Variants in FAM110B observed in about 807,000 individuals in gnomAD.
FAM110B encodes the protein protein FAM110B.
In FAM110B, 6 loss-of-function variants were observed where a neutral mutation model predicts 20.4. The ratio of observed to expected loss-of-function variants is 0.29; its 90% CI spans 0.16 to 0.58. FAM110B has a LOEUF of 0.58. FAM110B is among the 20% of genes least tolerant of loss of function. The probability of loss-of-function intolerance (pLI) is 0.90; values close to 1 mark genes in which losing one functional copy is unlikely to be tolerated. For synonymous variants in FAM110B, 226 were observed against 214.1 expected (o/e 1.06, Z -0.49); for missense variants, 434 against 498.2 (o/e 0.87, Z 1.23).
At chr8:58,068,603 A>T (rs986654698) in intron 2 of FAM110B, among the ~76,000 whole-genome samples, 38 of 152,152 alleles carry the variant, frequency 2.5e-4, no homozygotes, top group Admixed American at 2.4e-3. Flanking sequence ...AAAAATAAAA[A>T]AAAAAAAAAC....
intron 2 of FAM110B, among the ~76,000 whole-genome samples, chr8:58,060,288 G>T (rs1051837221): frequency 5.9e-5 from 9 of 152,144 alleles, no homozygotes; most frequent in African/African-American, 1.9e-4. Flanking sequence ...AATTTTGTAG[G>T]TGGAATGTGT....
At chr8:58,078,448 G>GT (rs1806092093) in intron 3 of FAM110B, among the ~76,000 whole-genome samples, 1 of 149,304 alleles carries the variant, frequency 6.7e-6, no homozygotes, top group African/African-American at 2.5e-5. Flanking sequence ...GACTTCCTTT[G>GT]TTTTTTGTTT....
At chr8:58,057,376 A>G (rs1805568743) in intron 2 of FAM110B, among the ~76,000 whole-genome samples, 1 of 152,218 alleles carries the variant, frequency 6.6e-6, no homozygotes, top group Non-Finnish European at 1.5e-5. Flanking sequence ...GGGCACATTT[A>G]GGCAGCTGAG....
At chr8:58,028,147 A>G (rs1234553202) in intron 1 of FAM110B, among the ~76,000 whole-genome samples, 1 of 152,232 alleles carries the variant, frequency 6.6e-6, no homozygotes, top group Non-Finnish European at 1.5e-5. Flanking sequence ...CTTGTTGCCC[A>G]GGCTGGAGTG....
intron 1 of FAM110B, among the ~76,000 whole-genome samples, chr8:57,997,770 G>C (rs1049486201): frequency 1.3e-5 from 2 of 152,118 alleles, no homozygotes; most frequent in Non-Finnish European, 2.9e-5. Flanking sequence ...CTCAGAAAAA[G>C]GATTTTCTGG....
At chr8:58,035,362 C>T (rs1431163108) in intron 2 of FAM110B, among the ~76,000 whole-genome samples, 1 of 152,220 alleles carries the variant, frequency 6.6e-6, no homozygotes, top group Admixed American at 6.5e-5. Flanking sequence ...CAAACTTTGG[C>T]ATTCATTTTC....
chr8:58,084,475 C>T lies in FAM110B; in HGVS notation c.-325+8852C>T, dbSNP rs549732511. ...TGTGATCTTGGCTCACTGCAGCCTC[C>T]GCCTCCCTGGTTCAAGCAATTCTCC... On this transcript the variant is annotated intron_variant, in intron 3 of 3. Coordinates refer to ENST00000519262, the MANE Select transcript of FAM110B (RefSeq NM_001377989.1). Among the ~76,000 whole-genome samples, 121 of 151,798 alleles carry T rather than the reference C, an allele frequency of 8.0e-4. 1 individual carries two copies. In the South Asian group the frequency reaches 0.013, roughly 16 times the overall value.
chr8:58,073,608 G>A lies in FAM110B; in HGVS notation c.-413-1927G>A, dbSNP rs147920730. 7.3e-3 allele frequency among the ~76,000 whole-genome samples: 1,116 copies of A among 152,160 alleles called. 15 individuals carry two copies. The highest frequency in any genetic ancestry group is 0.025 in the African/African-American group (1,018 of 41,510). On this transcript the variant is annotated intron_variant, in intron 2 of 3. Coordinates refer to ENST00000519262, the MANE Select transcript of FAM110B (RefSeq NM_001377989.1). ...TATGGGAATTGAAGTTTTCTTTAAC[G>A]TATCCAGAATTTAGAAATGCATCTT...
intron 1 of FAM110B, among the ~76,000 whole-genome samples, chr8:57,999,816 G>A (rs542836219): frequency 6.6e-6 from 1 of 152,228 alleles, no homozygotes; most frequent in East Asian, 1.9e-4. Context: ...TTTCCATCTG[G>A]GCTTGGTGGT....
chr8:58,124,164 T>C (rs1361668139), intron 3 of FAM110B, among the ~76,000 whole-genome samples: 2 of 152,228 alleles, frequency 1.3e-5, no homozygotes, highest in Non-Finnish European at 2.9e-5. Context: ...GAATTAGGAT[T>C]GGGCTCTATT....
At chr8:58,029,058 G>T (rs1563501678) in intron 1 of FAM110B, among the ~76,000 whole-genome samples, 1 of 152,160 alleles carries the variant, frequency 6.6e-6, no homozygotes, top group Non-Finnish European at 1.5e-5. Context: ...ATAAATAATG[G>T]GAGAGTCAAC....
In FAM110B at chr8:58,146,088, GCGCTGCTGCGGC is replaced by G; in HGVS notation, c.-133_-122del. On this transcript the variant is annotated 5_prime_UTR_variant, in exon 4 of 4. Coordinates refer to ENST00000519262, the MANE Select transcript of FAM110B (RefSeq NM_001377989.1). The stretch of plus-strand genomic sequence containing the variant: ...GGCGGTTAATGAGCTGTGAGATGAG[GCGCTGCTGCGGC>G]CGCTGCTGCTGACACTCGCTCCCAG... 5 of 920,622 alleles carry G rather than the reference GCGCTGCTGCGGC, an allele frequency of 5.4e-6. No homozygotes were observed. Among genetic ancestry groups the G allele is most frequent in the Non-Finnish European group, 8.0e-6 (5 of 622,736 alleles). The allele number at this position is 920,622 out of a possible 1,614,324, so 57.0% of individuals were successfully genotyped here.
intron 3 of FAM110B, among the ~76,000 whole-genome samples, chr8:58,117,202 C>T (rs983981907): frequency 2.6e-5 from 4 of 152,168 alleles, no homozygotes; most frequent in Non-Finnish European, 4.4e-5. Context: ...TCTAATAAAG[C>T]AGAAGCTAAC....
intron 3 of FAM110B, among the ~76,000 whole-genome samples, chr8:58,119,080 G>A (rs2150625511): frequency 6.6e-6 from 1 of 152,274 alleles, no homozygotes; most frequent in South Asian, 2.1e-4. Flanking sequence ...GGAGGTGGCT[G>A]GACTGAAATC....
At chr8:58,040,214 C>T (rs570552646) in intron 2 of FAM110B, among the ~76,000 whole-genome samples, 2 of 152,086 alleles carry the variant, frequency 1.3e-5, no homozygotes, top group Admixed American at 6.5e-5. Flanking sequence ...TTAACATTCC[C>T]TACTTGTTAT....
chr8:58,144,443 G>A (rs996059501), intron 3 of FAM110B, among the ~76,000 whole-genome samples: 7 of 152,178 alleles, frequency 4.6e-5, no homozygotes, highest in Admixed American at 2.0e-4. Flanking sequence ...AAATAGAACC[G>A]CACAATTAAA....
intron 1 of FAM110B, among the ~76,000 whole-genome samples, chr8:58,015,083 C>A (rs890122085): frequency 6.6e-6 from 1 of 152,294 alleles, no homozygotes; most frequent in African/African-American, 2.4e-5. Flanking sequence ...AAGCCGGGTG[C>A]GATGGCTCAC....
intron 3 of FAM110B, among the ~76,000 whole-genome samples, chr8:58,132,012 G>T (rs933370697): frequency 1.3e-5 from 2 of 152,138 alleles, no homozygotes; most frequent in Non-Finnish European, 2.9e-5. Flanking sequence ...TAGACTGTTG[G>T]TTTTCTGTTG....
chr8:58,146,201 A>C lies in FAM110B; in HGVS notation c.-30A>C, dbSNP rs757816911. The C allele has an allele frequency of 1.3e-6, 2 of 1,566,516 alleles. No individual in the cohort carries two copies. Among genetic ancestry groups the C allele is most frequent in the Non-Finnish European group, 1.7e-6 (2 of 1,154,248 alleles). On this transcript the variant is annotated 5_prime_UTR_variant, in exon 4 of 4. Transcript: ENST00000519262. The stretch of plus-strand genomic sequence containing the variant: ...TGCGGAGGCGCCCAGAAGAGCATCC[A>C]ACACGGCTGCCGGGGAAAGACCGCC...
Sources: gnomAD v4.1 joint callset for allele counts (sites outside exome capture counted in the v4.1 genomes callset) on GRCh38, gnomAD v4.1.1 for gene constraint, MANE v1.5 for transcripts, NCBI Gene and HGNC (gene_info 2026-07-23, HGNC 2026-07-21) for gene names.